LPAR1: variants seen among roughly 807,000 people sequenced by gnomAD.
The protein encoded by LPAR1 is lysophosphatidic acid receptor 1.
LPAR1 carries 5 observed loss-of-function variants against 23.8 expected under a neutral mutation model. The observed-to-expected ratio is 0.21, with a 90% CI of 0.11 to 0.44. LPAR1 has a LOEUF of 0.44. Among genes scored for constraint, LPAR1 ranks in the 20% least tolerant of loss-of-function variants. LPAR1 has a pLI of 0.99. For synonymous variants in LPAR1, 160 were observed against 164.7 expected, an observed-to-expected ratio of 0.97 and a Z score of 0.22; for missense variants, 311 against 482.8, an observed-to-expected ratio of 0.64 and a Z score of 3.33.
At chr9:110,993,034 T>C (rs953144787) in intron 2 of LPAR1, among the ~76,000 whole-genome samples, 5 of 152,214 alleles carry the variant, frequency 3.3e-5, no homozygotes, top group Non-Finnish European at 7.3e-5. Flanking sequence ...AAAAACGCTA[T>C]TTTACAACTT....
At chr9:111,002,042 C>G (rs1351855888) in intron 2 of LPAR1, among the ~76,000 whole-genome samples, 2 of 152,146 alleles carry the variant, frequency 1.3e-5, no homozygotes, top group Non-Finnish European at 2.9e-5. Flanking sequence ...AAATGCAGAA[C>G]AAGATTTAGC....
chr9:111,002,547 C>T (rs755541009), intron 2 of LPAR1, among the ~76,000 whole-genome samples: 1 of 152,110 alleles, frequency 6.6e-6, no homozygotes, highest in African/African-American at 2.4e-5. Context: ...TCTGAATGAA[C>T]TTATCATTAA....
At chr9:110,943,592 GCTCACATCTGTAATCCCAGC>G (rs2095257430) in intron 4 of LPAR1, among the ~76,000 whole-genome samples, 1 of 152,064 alleles carries the variant, frequency 6.6e-6, no homozygotes, top group African/African-American at 2.4e-5. Flanking sequence ...GGGCACAGTG[GCTCACATCTGTAATCCCAGC>G]ACTTTGGGAG....
chr9:110,905,937 C>G (rs1428083907), intron 5 of LPAR1, among the ~76,000 whole-genome samples: 1 of 152,122 alleles, frequency 6.6e-6, no homozygotes, highest in East Asian at 1.9e-4. Context: ...TAATTTACAG[C>G]AGTGCTATAA....
chr9:110,913,105 A>C (rs12340959), intron 5 of LPAR1, among the ~76,000 whole-genome samples: 2,320 of 152,306 alleles, frequency 0.015, 48 homozygotes, highest in African/African-American at 0.053. Flanking sequence ...GCTCCATTCA[A>C]ACTGAAGTCT....
At chr9:111,033,002 T>C (rs763523316) in intron 2 of LPAR1, among the ~76,000 whole-genome samples, 1 of 152,246 alleles carries the variant, frequency 6.6e-6, no homozygotes, top group Admixed American at 6.5e-5. Context: ...TGCAGGCTTA[T>C]TGCACGTTTG....
At chr9:110,960,683 T>C (rs983838944) in intron 4 of LPAR1, among the ~76,000 whole-genome samples, 2 of 152,262 alleles carry the variant, frequency 1.3e-5, no homozygotes, top group African/African-American at 4.8e-5. Context: ...GTCTGAGCCA[T>C]TAAGAGAGAG....
intron 2 of LPAR1, among the ~76,000 whole-genome samples, chr9:111,035,555 T>C (rs765334213): frequency 2.6e-5 from 4 of 152,194 alleles, no homozygotes; most frequent in Non-Finnish European, 5.9e-5. Context: ...TAACATGATA[T>C]GTAAAAATAA....
chr9:111,018,154 G>C (rs537691135), intron 2 of LPAR1, among the ~76,000 whole-genome samples: 16 of 152,304 alleles, frequency 1.1e-4, no homozygotes, highest in African/African-American at 3.8e-4. Context: ...GACCACAGTG[G>C]AGAGAACATC....
intron 5 of LPAR1, among the ~76,000 whole-genome samples, chr9:110,918,341 G>A: frequency 6.6e-6 from 1 of 152,114 alleles, no homozygotes; most frequent in East Asian, 1.9e-4. Context: ...AATGAAACCA[G>A]CATGTTTCCT....
intron 2 of LPAR1, among the ~76,000 whole-genome samples, chr9:110,988,759 A>G (rs1446865848): frequency 6.6e-6 from 1 of 152,168 alleles, no homozygotes; most frequent in African/African-American, 2.4e-5. Context: ...GCATTTTCAT[A>G]TGATCCAGCA....
chr9:111,007,065 CTCTT>C (rs2097232531), intron 2 of LPAR1, among the ~76,000 whole-genome samples: 1 of 152,080 alleles, frequency 6.6e-6, no homozygotes, highest in Non-Finnish European at 1.5e-5. Flanking sequence ...CTTTCTCTCT[CTCTT>C]TCAGTGGTGC....
intron 2 of LPAR1, among the ~76,000 whole-genome samples, chr9:111,004,182 G>A (rs1233679540): frequency 6.6e-6 from 1 of 152,122 alleles, no homozygotes; most frequent in Non-Finnish European, 1.5e-5. Context: ...CAATGACTTT[G>A]CAAGATATCT....
At chr9:110,959,170 C>CAAAAAAAAAAAA (rs1186318362) in intron 4 of LPAR1, among the ~76,000 whole-genome samples, 5 of 81,136 alleles carry the variant, frequency 6.2e-5, no homozygotes, top group Admixed American at 1.5e-4. Context: ...GATGTCTCTA[C>CAAAAAAAAAAAA]AAAAAAAAAA....
intron 5 of LPAR1, among the ~76,000 whole-genome samples, chr9:110,917,891 CT>C (rs966809623): frequency 6.6e-6 from 1 of 151,930 alleles, no homozygotes; most frequent in Admixed American, 6.6e-5. Flanking sequence ...CTGAATGCAT[CT>C]TTTTAAGCTG....
At chr9:110,972,028 C>T (rs1305020194) in intron 4 of LPAR1, 45 bp downstream of exon 4, 1 of 1,554,324 alleles carries the variant, frequency 6.4e-7, no homozygotes, top group South Asian at 1.1e-5. Context: ...AAATATTTGA[C>T]AAACTTACGA....
chr9:110,884,943 G>A (rs998277178), intron 5 of LPAR1, among the ~76,000 whole-genome samples: 13 of 152,130 alleles, frequency 8.5e-5, no homozygotes, highest in Admixed American at 2.6e-4. Flanking sequence ...GGTATCCTGG[G>A]TGATATCGTG....
chr9:110,971,584 G>T (rs1209802433), intron 4 of LPAR1, among the ~76,000 whole-genome samples: 1 of 152,190 alleles, frequency 6.6e-6, no homozygotes, highest in Non-Finnish European at 1.5e-5. Flanking sequence ...CTGCTCAGAA[G>T]TTTCTGGAAT....
chr9:110,967,144 C>T (rs1011599959), intron 4 of LPAR1, among the ~76,000 whole-genome samples: 10 of 152,146 alleles, frequency 6.6e-5, no homozygotes, highest in Admixed American at 1.3e-4. Context: ...AATTATAAAT[C>T]GGTTACAAAC....
Sources: allele counts gnomAD v4.1 joint callset (sites outside exome capture counted in the v4.1 genomes callset), GRCh38; gene constraint gnomAD v4.1.1; transcripts MANE v1.5; gene names NCBI Gene and HGNC (gene_info 2026-07-23, HGNC 2026-07-21).